MAP7D2: variants seen among roughly 807,000 people sequenced by gnomAD.
The protein encoded by MAP7D2 is MAP7 domain containing 2.
Under a neutral mutation model 63.5 loss-of-function variants are expected in MAP7D2, and 33 were observed. That is an observed-to-expected ratio of 0.52 (90% CI 0.39 to 0.70). MAP7D2 has a LOEUF of 0.70. Ranked by LOEUF, MAP7D2 falls within the 30% of genes least tolerant of loss-of-function variation. MAP7D2 has a pLI of 0.00. For missense variants in MAP7D2, 626 were observed against 604.0 expected, an observed-to-expected ratio of 1.04 and a Z score of -0.38; for synonymous variants, 224 against 223.7, an observed-to-expected ratio of 1.00 and a Z score of -0.01.
At chrX:20,093,963 CA>C (rs1205152152) in intron 1 of MAP7D2, among the ~76,000 whole-genome samples, 5 of 110,930 alleles carry the variant, frequency 4.5e-5, no homozygotes, top group Non-Finnish European at 9.4e-5. Context: ...AAACCATGTC[CA>C]AAGCACAAAA....
intron 12 of MAP7D2, among the ~76,000 whole-genome samples, chrX:20,013,875 C>T (rs2073291262): frequency 8.9e-6 from 1 of 112,023 alleles, no homozygotes; most frequent in Non-Finnish European, 1.9e-5. Context: ...ATTTATATCC[C>T]ATATTTCTCC....
chrX:20,025,307 G>A (rs777074269), intron 9 of MAP7D2, among the ~76,000 whole-genome samples: 2 of 112,256 alleles, frequency 1.8e-5, no homozygotes, highest in Non-Finnish European at 3.8e-5. Context: ...GAAACATGAG[G>A]AGGAAAGACA....
intron 10 of MAP7D2, among the ~76,000 whole-genome samples, chrX:20,024,149 G>A (rs746237472): frequency 4.5e-5 from 5 of 112,029 alleles, no homozygotes; most frequent in East Asian, 2.8e-4. Flanking sequence ...TGAGCCTAAC[G>A]GCTTCCTTTA....
At chrX:20,055,402 G>T (rs971569323) in intron 4 of MAP7D2, among the ~76,000 whole-genome samples, 2 of 111,704 alleles carry the variant, frequency 1.8e-5, no homozygotes, top group Non-Finnish European at 3.8e-5. Flanking sequence ...AATCAGAAAT[G>T]CCCTGCTTCT....
chrX:20,014,844 G>A (rs942484419), intron 12 of MAP7D2, among the ~76,000 whole-genome samples: 2 of 110,497 alleles, frequency 1.8e-5, no homozygotes, highest in Admixed American at 9.6e-5. Flanking sequence ...AACCTCCTAC[G>A]TAGCTGGGAC....
intron 1 of MAP7D2, 99 bp from the exon 2 acceptor site, chrX:20,064,904 C>T (rs891358703): frequency 1.9e-5 from 12 of 645,086 alleles, no homozygotes; most frequent in Non-Finnish European, 3.0e-5. Context: ...TCTGACTGCA[C>T]GTGCACATCA....
intron 8 of MAP7D2, among the ~76,000 whole-genome samples, chrX:20,030,914 A>T (rs1022075875): frequency 9.8e-5 from 11 of 112,088 alleles, no homozygotes; most frequent in African/African-American, 3.6e-4. Context: ...CCCAAAGAAC[A>T]CAACCTGAAT....
chrX:20,112,106 A>G (rs886244783), intron 1 of MAP7D2, among the ~76,000 whole-genome samples: 1 of 112,045 alleles, frequency 8.9e-6, no homozygotes, highest in Admixed American at 9.5e-5. Context: ...AGAGGGTGGG[A>G]CGGATGAAGC....
chrX:20,116,597 C>A lies in MAP7D2; in HGVS notation c.130+153G>T, dbSNP rs1000584928. 4 of 977,356 alleles carry A rather than the reference C, an allele frequency of 4.1e-6. No homozygotes were observed. The African/African-American group carries it at 6.2e-5, about 15-fold the overall frequency. The allele number at this position is 977,356 out of a possible 1,213,427, so 80.5% of individuals were successfully genotyped here. On this transcript the variant is annotated intron_variant, in intron 1 of 16. Coordinates refer to ENST00000379643, the MANE Select transcript of MAP7D2 (RefSeq NM_001168465.2). ...GGGGTGCGGCCCTTGGATGCACGTC[C>A]GGACGATCCTGGGCCAGGGAAAGGG...
At chrX:20,057,864 C>T (rs2065104856) in intron 3 of MAP7D2, among the ~76,000 whole-genome samples, 1 of 112,380 alleles carries the variant, frequency 8.9e-6, no homozygotes, top group African/African-American at 3.2e-5. Context: ...TCAGGAAAGG[C>T]TCCTTTATGT....
At chrX:20,035,478 A>G (rs1250335807) in intron 8 of MAP7D2, among the ~76,000 whole-genome samples, 1 of 112,358 alleles carries the variant, frequency 8.9e-6, no homozygotes, top group Non-Finnish European at 1.9e-5. Flanking sequence ...TGTTCTAGAC[A>G]GAGTGGAAAT....
Position 20,116,865 on chromosome X carries a change from G to A in MAP7D2, c.15C>T (p.Gly5=). 1.8e-6 allele frequency: 2 copies of A among 1,141,240 alleles called. No individual in the cohort carries two copies. Among genetic ancestry groups the A allele is most frequent in the South Asian group, 2.0e-5 (1 of 48,860 alleles). The allele number at this position is 1,141,240 out of a possible 1,213,427, so 94.1% of individuals were successfully genotyped here. The part of the protein sequence containing the change: MERG[G]GGSGTGSRPE... ...GCCGGGATCCCGTCCCGGAGCCGCC[G>A]CCGCCGCGCTCCATCGGGATGCGCC... The change falls in exon 1 of 17, where the codon GGC becomes GGT. Residue 5 remains glycine, a synonymous_variant. Transcript: ENST00000379643.
chrX:20,076,952 T>C (rs2065660238), intron 1 of MAP7D2, among the ~76,000 whole-genome samples: 1 of 112,782 alleles, frequency 8.9e-6, no homozygotes, highest in African/African-American at 3.2e-5. Flanking sequence ...TAAATCACAA[T>C]TGCACAGCTA....
chrX:20,008,922 G>A (rs973975711), intron 16 of MAP7D2, among the ~76,000 whole-genome samples: 23 of 112,142 alleles, frequency 2.1e-4, no homozygotes, highest in African/African-American at 7.1e-4. Flanking sequence ...TGGATTCTCT[G>A]TTCCTTACTG....
At position 20,039,553 on chromosome X, in the gene MAP7D2, G is replaced by C. The variant is rs185440604; in HGVS notation, c.1007+2949C>G. Among the ~76,000 whole-genome samples the C allele has an allele frequency of 9.0e-5, 10 of 111,722 alleles. 1 individual carries two copies. The East Asian group carries it at 1.7e-3, about 19-fold the overall frequency. ...AGGTGGACTTGTGATGGTTAATATTGAGTTTCAACTGGATTGGATTGAAGG... is the reference window on the plus strand; with the variant it reads ...AGGTGGACTTGTGATGGTTAATATTCAGTTTCAACTGGATTGGATTGAAGG... On this transcript the variant is annotated intron_variant, in intron 8 of 16. Coordinates refer to ENST00000379643, the MANE Select transcript of MAP7D2 (RefSeq NM_001168465.2).
At chrX:20,100,254 T>TGAGCCCATTGAG (rs1382055888) in intron 1 of MAP7D2, among the ~76,000 whole-genome samples, 1 of 112,293 alleles carries the variant, frequency 8.9e-6, no homozygotes, top group African/African-American at 3.2e-5. Context: ...GAGGATGCAC[T>TGAGCCCATTGAG]GCCTGGGGTG....
chrX:20,089,276 A>G (rs1569134880), intron 1 of MAP7D2, among the ~76,000 whole-genome samples: 1 of 111,883 alleles, frequency 8.9e-6, no homozygotes, highest in Non-Finnish European at 1.9e-5. Context: ...ATATTCAATT[A>G]CTCATATATG....
chrX:20,085,862 C>T lies in MAP7D2; in HGVS notation c.131-21057G>A, dbSNP rs888597300. On this transcript the variant is annotated intron_variant, in intron 1 of 16. Coordinates refer to ENST00000379643, the MANE Select transcript of MAP7D2 (RefSeq NM_001168465.2). ...AAGTAGCTGGGATTACAGGCATCCG[C>T]CAACATGCCCAGCTAATTTTTCTAT... 3.6e-5 allele frequency among the ~76,000 whole-genome samples: 4 copies of T among 111,487 alleles called. No individual in the cohort carries two copies. The Admixed American group carries it at 3.8e-4, about 11-fold the overall frequency.
rs1266119330 is a variant in MAP7D2, at chrX:20,099,452, A to T, written c.130+17298T>A. Among the ~76,000 whole-genome samples, 6 of 111,854 alleles carry T rather than the reference A, an allele frequency of 5.4e-5. No individual in the cohort carries two copies. The Admixed American group carries it at 5.7e-4, about 11-fold the overall frequency. On this transcript the variant is annotated intron_variant, in intron 1 of 16. Transcript: ENST00000379643. ...TTTGCATCAGGATGCTCCCGAAAGA[A>T]GCCATCATCCTGTCTGCCTTTTATC...
Sources: gnomAD v4.1 joint callset for allele counts (sites outside exome capture counted in the v4.1 genomes callset) on GRCh38, gnomAD v4.1.1 for gene constraint, MANE v1.5 for transcripts, NCBI Gene and HGNC (gene_info 2026-07-23, HGNC 2026-07-21) for gene names.